The following CASP8 variants were observed in gnomAD, a reference collection of about 807,000 sequenced individuals.
CASP8 encodes the protein caspase-8.
In CASP8, 24 loss-of-function variants were observed where a neutral mutation model predicts 46.3. That is an observed-to-expected ratio of 0.52 (90% CI 0.38 to 0.73). The LOEUF (loss-of-function observed/expected upper bound fraction) is 0.73. Ranked by LOEUF, CASP8 falls within the 30% of genes least tolerant of loss-of-function variation. The probability of loss-of-function intolerance (pLI) is 0.00; values close to 1 mark genes in which losing one functional copy is unlikely to be tolerated. For missense variants in CASP8, 460 were observed against 559.0 expected (o/e 0.82, Z 1.79); for synonymous variants, 188 against 200.4 (o/e 0.94, Z 0.52).
At chr2:201,280,728 A>G (rs1297787043) in intron 7 of CASP8, among the ~76,000 whole-genome samples, 1 of 152,238 alleles carries the variant, frequency 6.6e-6, no homozygotes, top group Non-Finnish European at 1.5e-5. Flanking sequence ...CCAGGAGAAG[A>G]GAAATTCATC....
chr2:201,241,042 T>C (rs1426509969), intron 2 of CASP8: 2 of 152,144 alleles, frequency 1.3e-5, no homozygotes, highest in Admixed American at 1.3e-4. Context: ...AAAGAAGTAC[T>C]AAGAGGTACT....
intron 7 of CASP8, among the ~76,000 whole-genome samples, chr2:201,283,105 A>C (rs1468106793): frequency 2.0e-4 from 7 of 35,302 alleles, no homozygotes; most frequent in South Asian, 2.3e-3. Flanking sequence ...TGACCCCCCC[A>C]CCTCCCTCCT....
intron 2 of CASP8, among the ~76,000 whole-genome samples, chr2:201,255,203 GT>G (rs1262818979): frequency 2.0e-5 from 3 of 152,116 alleles, no homozygotes. Flanking sequence ...CGTGCCTTGA[GT>G]GGCTGAGACT....
At chr2:201,277,041 A>G in intron 7 of CASP8, 73 bp downstream of exon 7, 1 of 1,105,372 alleles carries the variant, frequency 9.0e-7, no homozygotes, top group Non-Finnish European at 1.4e-6. Flanking sequence ...AAGGGAGAGA[A>G]CAAAAGCTAT....
chr2:201,266,393 C>G lies in CASP8; in HGVS notation c.-26-68C>G. 8.0e-7 allele frequency: 1 copy of G among 1,249,250 alleles called. No homozygotes were observed. The highest frequency in any genetic ancestry group is 1.2e-6 in the Non-Finnish European group (1 of 854,940). The allele number at this position is 1,249,250 out of a possible 1,614,324, so 77.4% of individuals were successfully genotyped here. On this transcript the variant is annotated intron_variant, in intron 1 of 8. Transcript: ENST00000673742. The surrounding 1 kb of genome is among the most constrained non-coding windows in gnomAD (Gnocchi z 5.7). ...ACCAGTACCTAGTAGTTGCAGTAGC[C>G]TTTGATGAACAAGCCAGCAAATGGT...
At chr2:201,237,758 T>C (rs965697541) in intron 2 of CASP8, among the ~76,000 whole-genome samples, 2 of 152,250 alleles carry the variant, frequency 1.3e-5, no homozygotes, top group African/African-American at 2.4e-5. Context: ...TGGCTTTATC[T>C]TGGCCCAGAA....
intron 2 of CASP8, among the ~76,000 whole-genome samples, chr2:201,236,619 C>G (rs915479516): frequency 1.3e-5 from 2 of 152,184 alleles, no homozygotes; most frequent in African/African-American, 4.8e-5. Flanking sequence ...GAGTTTGGCT[C>G]TGCCGCCCAG....
intron 7 of CASP8, among the ~76,000 whole-genome samples, chr2:201,278,533 A>AT (rs1478461315): frequency 2.7e-4 from 40 of 149,510 alleles, no homozygotes; most frequent in African/African-American, 9.4e-4. Context: ...GCTAGACTGT[A>AT]TTTTTTCTTT....
At chr2:201,258,406 C>A (rs774797657), upstream of CASP8, 3 of 1,613,664 alleles carry the variant, frequency 1.9e-6, 1 homozygote, top group South Asian at 3.3e-5. Context: ...GCCAAGGTGG[C>A]CTCTTCAACA....
intron 2 of CASP8, among the ~76,000 whole-genome samples, chr2:201,253,542 T>C (rs16836969): frequency 0.049 from 7,473 of 152,084 alleles, 255 homozygotes; most frequent in African/African-American, 0.088. Context: ...TGCACTGTTA[T>C]TATATCATTA....
chr2:201,251,664 A>G (rs1946790923), intron 2 of CASP8, among the ~76,000 whole-genome samples: 1 of 151,532 alleles, frequency 6.6e-6, no homozygotes, highest in Non-Finnish European at 1.5e-5. Flanking sequence ...GCACTTTGGG[A>G]GGCGGAGGCA....
At chr2:201,240,927 AC>A (rs1359809428) in intron 2 of CASP8, 1 of 152,246 alleles carries the variant, frequency 6.6e-6, no homozygotes, top group Non-Finnish European at 1.5e-5. Flanking sequence ...CTCTTGAACA[AC>A]AATTAGGCCA....
In CASP8 at chr2:201,284,849, T is replaced by G; in HGVS notation, c.836T>G (p.Phe279Cys). Residue 279 changes from phenylalanine (F) to cysteine (C), a missense_variant, in exon 8 of 9, where the codon TTT (phenylalanine) becomes TGT (cysteine). Transcript: ENST00000673742. ...ALTTTFEELH[F>C]EIKPHDDCTV... is the part of the protein sequence containing the mutation. ...ACCACGACCTTTGAAGAGCTTCATT[T>G]TGAGATCAAGCCCCACGATGACTGC... 1.9e-6 allele frequency: 3 copies of G among 1,614,158 alleles called. No homozygotes were observed. The highest frequency in any genetic ancestry group is 2.2e-5 in the East Asian group (1 of 44,886).
chr2:201,255,786 G>A (rs1382885735), upstream of CASP8, among the ~76,000 whole-genome samples: 3 of 152,052 alleles, frequency 2.0e-5, no homozygotes, highest in African/African-American at 4.8e-5. Flanking sequence ...ACAGGGCCTC[G>A]CTCTGTCACC....
chr2:201,240,358 C>G (rs779019024), intron 2 of CASP8: 8 of 152,056 alleles, frequency 5.3e-5, no homozygotes, highest in African/African-American at 7.2e-5. Context: ...CAGATGACAA[C>G]CCAAAGAGAG....
At chr2:201,241,695 A>T (rs1946306728) in intron 2 of CASP8, 1 of 152,268 alleles carries the variant, frequency 6.6e-6, no homozygotes, top group Non-Finnish European at 1.5e-5. Flanking sequence ...TTCCAAATTT[A>T]TTTTATGTGG....
chr2:201,274,834 C>G (rs1389940102), intron 5 of CASP8, 55 bp from the exon 6 acceptor site: 1 of 1,284,240 alleles, frequency 7.8e-7, no homozygotes, highest in African/African-American at 1.5e-5. Context: ...ATTTCATTAC[C>G]AGTGTACCTT....
At chr2:201,255,111 T>C (rs187215867) in intron 2 of CASP8, among the ~76,000 whole-genome samples, 1 of 152,190 alleles carries the variant, frequency 6.6e-6, no homozygotes, top group Non-Finnish European at 1.5e-5. Flanking sequence ...TGAGACGGAG[T>C]GTCCCTCTGT....
chr2:201,268,908 T>TG (rs1491443338), intron 2 of CASP8, among the ~76,000 whole-genome samples: 22 of 132,882 alleles, frequency 1.7e-4, no homozygotes, highest in Non-Finnish European at 2.4e-4. Context: ...TGGCCTCATC[T>TG]TTGTGTGTGT....
Sources: gnomAD v4.1 joint callset for allele counts (sites outside exome capture counted in the v4.1 genomes callset) on GRCh38, gnomAD v4.1.1 for gene constraint, Gnocchi (gnomAD v3.1) non-coding constraint, MANE v1.5 for transcripts, NCBI Gene and HGNC (gene_info 2026-07-23, HGNC 2026-07-21) for gene names.